The following AGTPBP1 variants were observed in gnomAD, a reference collection of about 807,000 sequenced individuals.
The protein encoded by AGTPBP1 is cytosolic carboxypeptidase 1.
In AGTPBP1, 70 loss-of-function variants were observed where a neutral mutation model predicts 143.9. The ratio of observed to expected loss-of-function variants is 0.49; its 90% CI spans 0.40 to 0.59. The LOEUF (loss-of-function observed/expected upper bound fraction) is 0.59, where lower values mean the gene tolerates loss of function less well. Ranked by LOEUF, AGTPBP1 falls within the 20% of genes least tolerant of loss-of-function variation. The pLI, the probability that AGTPBP1 is intolerant of heterozygous loss-of-function variation, is 0.00. For synonymous variants in AGTPBP1, 463 were observed against 500.2 expected (o/e 0.93, Z 0.99); for missense variants, 1,229 against 1,464.5 (o/e 0.84, Z 2.62).
intron 2 of AGTPBP1, among the ~76,000 whole-genome samples, chr9:85,707,047 T>C (rs1175263409): frequency 6.6e-6 from 1 of 152,080 alleles, no homozygotes; most frequent in East Asian, 1.9e-4. Flanking sequence ...TACATCATGC[T>C]GATACTAATC....
chr9:85,607,662 G>T (rs1270697235), intron 17 of AGTPBP1, among the ~76,000 whole-genome samples: 1 of 152,058 alleles, frequency 6.6e-6, no homozygotes, highest in Admixed American at 6.5e-5. Context: ...TAATATCCAA[G>T]TAAAGGCCAA....
intron 25 of AGTPBP1, among the ~76,000 whole-genome samples, chr9:85,560,293 A>T (rs1259799075): frequency 6.6e-6 from 1 of 152,244 alleles, no homozygotes; most frequent in Non-Finnish European, 1.5e-5. Flanking sequence ...TATTTTTAAC[A>T]AATGGGTTTT....
At chr9:85,794,943 G>A in the AGTPBP1 span, among the ~76,000 whole-genome samples, 1 of 152,082 alleles carries the variant, frequency 6.6e-6, no homozygotes, top group African/African-American at 2.4e-5. Context: ...CTAGTGTCAC[G>A]AAATACAACT....
intron 10 of AGTPBP1, among the ~76,000 whole-genome samples, chr9:85,656,073 C>T (rs1253720750): frequency 2.6e-5 from 4 of 152,174 alleles, no homozygotes; most frequent in East Asian, 1.9e-4. Flanking sequence ...GTGATCCGCC[C>T]GCCTTGGCCT....
At chr9:85,556,053 G>A (rs1439037851) in intron 25 of AGTPBP1, among the ~76,000 whole-genome samples, 1 of 152,084 alleles carries the variant, frequency 6.6e-6, no homozygotes, top group Non-Finnish European at 1.5e-5. Context: ...GTACCCAGGC[G>A]AGGAAATAAT....
intron 1 of AGTPBP1, among the ~76,000 whole-genome samples, chr9:85,726,997 T>C (rs1460315065): frequency 3.9e-5 from 6 of 152,232 alleles, no homozygotes; most frequent in Non-Finnish European, 8.8e-5. Flanking sequence ...CTACAGTACA[T>C]GTTGAGCACC....
At chr9:85,577,324 A>G (rs1313937345) in intron 24 of AGTPBP1, among the ~76,000 whole-genome samples, 1 of 152,172 alleles carries the variant, frequency 6.6e-6, no homozygotes, top group Non-Finnish European at 1.5e-5. Context: ...AGAATTAACA[A>G]TGTATTTCCA....
At chr9:85,654,502 A>G (rs1833369220) in intron 11 of AGTPBP1, among the ~76,000 whole-genome samples, 1 of 152,152 alleles carries the variant, frequency 6.6e-6, no homozygotes, top group Non-Finnish European at 1.5e-5. Flanking sequence ...AAACCCGAAC[A>G]TAATTTACCT....
chr9:85,606,450 T>C (rs1477404377), intron 17 of AGTPBP1, among the ~76,000 whole-genome samples: 1 of 150,490 alleles, frequency 6.6e-6, no homozygotes, highest in Non-Finnish European at 1.5e-5. Context: ...TACATACTGT[T>C]GGTGGGAACG....
At chr9:85,668,967 ATGTG>A (rs539493558) in intron 8 of AGTPBP1, among the ~76,000 whole-genome samples, 19,579 of 114,176 alleles carry the variant, frequency 0.17, 1,893 homozygotes, top group South Asian at 0.27. Flanking sequence ...ACATACATAC[ATGTG>A]TGTGTGTGTG....
At chr9:85,631,755 G>GT (rs1831692353) in intron 14 of AGTPBP1, among the ~76,000 whole-genome samples, 1 of 152,092 alleles carries the variant, frequency 6.6e-6, no homozygotes, top group South Asian at 2.1e-4. Flanking sequence ...CACTATACTT[G>GT]TAACAAGGGT....
the AGTPBP1 span, among the ~76,000 whole-genome samples, chr9:85,751,320 T>C: frequency 6.6e-6 from 1 of 152,258 alleles, no homozygotes; most frequent in African/African-American, 2.4e-5. Context: ...TGTTATAAAT[T>C]TGTCACAGCC....
rs11141081 is a variant in AGTPBP1, at chr9:85,738,619, G to A, written c.-34+3156C>T. On this transcript the variant is annotated intron_variant, in intron 1 of 25. Coordinates refer to ENST00000357081, the MANE Select transcript of AGTPBP1 (RefSeq NM_001330701.2). ...AGATGATTAAAAGATTAAAATAGCAGCCATCACCAACAGGAGGGAGACAAT... is the reference window on the plus strand; with the variant it reads ...AGATGATTAAAAGATTAAAATAGCAACCATCACCAACAGGAGGGAGACAAT... Among the ~76,000 whole-genome samples the A allele has an allele frequency of 5.6e-3, 848 of 152,232 alleles. 6 individuals are homozygous for A. The highest frequency in any genetic ancestry group is 0.019 in the African/African-American group (794 of 41,542).
At chr9:85,691,012 C>A (rs183420422) in intron 3 of AGTPBP1, among the ~76,000 whole-genome samples, 1 of 152,178 alleles carries the variant, frequency 6.6e-6, no homozygotes, top group Non-Finnish European at 1.5e-5. Context: ...CTGAAGGATT[C>A]ATTTTCTTTT....
At chr9:85,596,008 T>A (rs926756041) in intron 18 of AGTPBP1, among the ~76,000 whole-genome samples, 1 of 152,200 alleles carries the variant, frequency 6.6e-6, no homozygotes, top group African/African-American at 2.4e-5. Flanking sequence ...CTTGATATCA[T>A]AGGAACAATA....
the AGTPBP1 span, among the ~76,000 whole-genome samples, chr9:85,776,856 A>G: frequency 0.061 from 9,316 of 152,158 alleles, 942 homozygotes; most frequent in African/African-American, 0.21. Flanking sequence ...AGGGGTGATG[A>G]TGGGTGGTGC....
At chr9:85,706,851 G>A (rs1837043073) in intron 2 of AGTPBP1, among the ~76,000 whole-genome samples, 1 of 152,062 alleles carries the variant, frequency 6.6e-6, no homozygotes. Context: ...ACTCCAGCCT[G>A]GACGACAGAG....
intron 21 of AGTPBP1, 127 bp from the exon 22 acceptor site, chr9:85,587,087 G>A: frequency 8.7e-7 from 1 of 1,149,558 alleles, no homozygotes; most frequent in Non-Finnish European, 1.2e-6. Context: ...ATTTCAAATA[G>A]GTATAGATGG....
chr9:85,802,242 G>A, the AGTPBP1 span, among the ~76,000 whole-genome samples: 61,598 of 146,580 alleles, frequency 0.42, 8,838 homozygotes, highest in East Asian at 0.75. Flanking sequence ...TCACTCTACC[G>A]TCTTTCCACC....
Sources: allele counts gnomAD v4.1 joint callset (sites outside exome capture counted in the v4.1 genomes callset), GRCh38; gene constraint gnomAD v4.1.1; transcripts MANE v1.5; gene names NCBI Gene and HGNC (gene_info 2026-07-23, HGNC 2026-07-21).